Variants in SLCO2B1 observed in about 807,000 individuals in gnomAD.
SLCO2B1 encodes the protein solute carrier organic anion transporter family member 2B1, also known as OATP-RP2.
In SLCO2B1, 41 loss-of-function variants were observed where a neutral mutation model predicts 67.3. The ratio of observed to expected loss-of-function variants is 0.61; its 90% CI spans 0.47 to 0.79. The LOEUF (loss-of-function observed/expected upper bound fraction) is 0.79, where lower values mean the gene tolerates loss of function less well. SLCO2B1 is among the 30% of genes least tolerant of loss of function. SLCO2B1 has a pLI of 0.00. For synonymous variants in SLCO2B1, 379 were observed against 381.4 expected (o/e 0.99, Z 0.07); for missense variants, 837 against 920.1 (o/e 0.91, Z 1.17).
intron 7 of SLCO2B1, among the ~76,000 whole-genome samples, chr11:75,178,334 G>A (rs1950051941): frequency 6.6e-6 from 1 of 152,194 alleles, no homozygotes; most frequent in Admixed American, 6.5e-5. Flanking sequence ...GGTGAGGTGG[G>A]CAGTTCAGTG....
chr11:75,169,047 C>G (rs530156382), intron 4 of SLCO2B1, 126 bp from the exon 5 acceptor site: 1 of 733,050 alleles, frequency 1.4e-6, no homozygotes, highest in South Asian at 2.0e-5. Flanking sequence ...GAGCACTCAC[C>G]CTTGAGGTTT....
Position 75,200,258 on chromosome 11 carries a change from G to C in SLCO2B1, c.1634G>C (p.Gly545Ala). Residue 545 changes from glycine (G) to alanine (A), a missense_variant, in exon 11 of 14, where the codon GGC becomes GCC. Coordinates refer to ENST00000289575, the MANE Select transcript of SLCO2B1 (RefSeq NM_007256.5). ...ACCAACTGCAGCTGCGTGGTGGAGG[G>C]CAACCCCGTGCTGGCAGGATCCTGC... ...FYTNCSCVVE[G>A]NPVLAGSCDS... 1 of 1,613,576 alleles carries C rather than the reference G, an allele frequency of 6.2e-7. No homozygotes were observed. The highest frequency in any genetic ancestry group is 8.5e-7 in the Non-Finnish European group (1 of 1,179,736).
At chr11:75,194,578 C>A (rs1449392121) in intron 9 of SLCO2B1, among the ~76,000 whole-genome samples, 4 of 151,642 alleles carry the variant, frequency 2.6e-5, no homozygotes, top group African/African-American at 9.7e-5. Context: ...TCATTCTCTG[C>A]CCCTCTTTTC....
chr11:75,191,649 C>T (rs1183501270), intron 8 of SLCO2B1, among the ~76,000 whole-genome samples: 2 of 152,206 alleles, frequency 1.3e-5, no homozygotes, highest in Non-Finnish European at 2.9e-5. Flanking sequence ...CCTGGTCCTG[C>T]TGCTGCAGGA....
At chr11:75,168,553 T>C (rs1359974169) in intron 4 of SLCO2B1, among the ~76,000 whole-genome samples, 1 of 152,236 alleles carries the variant, frequency 6.6e-6, no homozygotes, top group Admixed American at 6.5e-5. Flanking sequence ...ACTCTGCATC[T>C]GTGTCCCAAG....
chr11:75,194,334 T>C (rs1438762153), intron 9 of SLCO2B1, among the ~76,000 whole-genome samples: 1 of 152,216 alleles, frequency 6.6e-6, no homozygotes, highest in Non-Finnish European at 1.5e-5. Flanking sequence ...TCCTGGAAAC[T>C]GCTCCAGGCT....
intron 7 of SLCO2B1, 31 bp from the exon 8 acceptor site, chr11:75,188,105 C>T (rs376705207): frequency 9.9e-5 from 152 of 1,528,288 alleles, no homozygotes; most frequent in East Asian, 2.0e-4. Context: ...TGGCATCCAG[C>T]GGACTGTCCT....
chr11:75,202,403 A>C (rs1945195610), intron 11 of SLCO2B1: 1 of 165,068 alleles, frequency 6.1e-6, no homozygotes, highest in Non-Finnish European at 1.3e-5. Context: ...CTTATCTGTA[A>C]AATGGGGCTA....
chr11:75,166,771 G>T (rs1177406221), intron 4 of SLCO2B1, among the ~76,000 whole-genome samples: 2 of 152,198 alleles, frequency 1.3e-5, no homozygotes, highest in Non-Finnish European at 2.9e-5. Context: ...CCTGGGAGAG[G>T]AGACAGATAA....
chr11:75,196,472 G>C lies in SLCO2B1; in HGVS notation c.1434-42G>C, dbSNP rs775126942. 51 of 1,593,852 alleles carry C rather than the reference G, an allele frequency of 3.2e-5. No homozygotes were observed. In the East Asian group the frequency reaches 1.1e-3, roughly 34 times the overall value. On this transcript the variant is annotated intron_variant, in intron 9 of 13. Transcript: ENST00000289575. The stretch of plus-strand genomic sequence containing the variant: ...GGATGCCCCAGCTAGTGGCCTAAGG[G>C]AGGGAAGCCAGGCCAACCCTACTGG...
intron 3 of SLCO2B1, 139 bp from the exon 4 acceptor site, chr11:75,165,648 C>A: frequency 9.8e-7 from 1 of 1,017,536 alleles, no homozygotes; most frequent in Non-Finnish European, 1.5e-6. Context: ...GAGGGGGACC[C>A]AGGAGAGGGA....
chr11:75,171,951 T>C (rs922320026), intron 6 of SLCO2B1, among the ~76,000 whole-genome samples: 1 of 152,238 alleles, frequency 6.6e-6, no homozygotes, highest in African/African-American at 2.4e-5. Flanking sequence ...GAGGAGCAGG[T>C]ACCTATATGG....
At chr11:75,169,517 TGGCCAGTAAA>T in intron 5 of SLCO2B1, 111 bp downstream of exon 5, 1 of 1,221,052 alleles carries the variant, frequency 8.2e-7, no homozygotes, top group Non-Finnish European at 1.1e-6. Flanking sequence ...CTGCCCCATC[TGGCCAGTAAA>T]GGTCCAGGGA....
At chr11:75,186,510 A>AT (rs796721700) in intron 7 of SLCO2B1, among the ~76,000 whole-genome samples, 55 of 147,474 alleles carry the variant, frequency 3.7e-4, no homozygotes, top group South Asian at 2.0e-3. Flanking sequence ...CGCCCGACTG[A>AT]TTTTTTTTTT....
At chr11:75,185,501 C>CTTTTTTTTTTTTT (rs11381669) in intron 7 of SLCO2B1, among the ~76,000 whole-genome samples, 1 of 106,188 alleles carries the variant, frequency 9.4e-6, no homozygotes, top group African/African-American at 3.9e-5. Context: ...GTATAAGTCT[C>CTTTTTTTTTTTTT]TTTTTTTTTT....
intron 2 of SLCO2B1, among the ~76,000 whole-genome samples, chr11:75,163,584 C>A (rs970356549): frequency 7.2e-5 from 11 of 152,038 alleles, no homozygotes; most frequent in African/African-American, 2.7e-4. Context: ...GGGCTCCCAC[C>A]ATTCCTGGCC....
rs763412098 is a variant in SLCO2B1 at position 75,204,611 on chromosome 11, A to T, written c.*31A>T. On this transcript the variant is annotated 3_prime_UTR_variant, in exon 14 of 14. Coordinates refer to ENST00000289575, the MANE Select transcript of SLCO2B1 (RefSeq NM_007256.5). Reference sequence around the variant, plus strand: ...CTTGGGGCCCCACCTGGCCAAGAGTAGCAGCCACAGCAGTACCTCCTCTGA... The same window carrying T: ...CTTGGGGCCCCACCTGGCCAAGAGTTGCAGCCACAGCAGTACCTCCTCTGA... The T allele has an allele frequency of 4.5e-6, 7 of 1,569,084 alleles. No homozygotes were observed. The highest frequency in any genetic ancestry group is 5.2e-6 in the Non-Finnish European group (6 of 1,158,088).
chr11:75,153,680 T>C (rs1949716007), intron 1 of SLCO2B1, among the ~76,000 whole-genome samples: 1 of 152,190 alleles, frequency 6.6e-6, no homozygotes, highest in Non-Finnish European at 1.5e-5. Context: ...TCTGTGGAGC[T>C]AGTGAGCTGC....
intron 7 of SLCO2B1, among the ~76,000 whole-genome samples, chr11:75,173,515 G>A (rs1949990070): frequency 6.6e-6 from 1 of 152,226 alleles, no homozygotes; most frequent in Non-Finnish European, 1.5e-5. Flanking sequence ...CAGACTCACG[G>A]AGAAGTCACG....
Sources: allele counts gnomAD v4.1 joint callset (sites outside exome capture counted in the v4.1 genomes callset), GRCh38; gene constraint gnomAD v4.1.1; transcripts MANE v1.5; gene names NCBI Gene and HGNC (gene_info 2026-07-23, HGNC 2026-07-21).